The following PLCB4 variants were observed in gnomAD, a reference collection of about 807,000 sequenced individuals.
PLCB4 encodes 1-phosphatidylinositol 4,5-bisphosphate phosphodiesterase beta-4.
Under a neutral mutation model 178.8 loss-of-function variants are expected in PLCB4, and 77 were observed. The ratio of observed to expected loss-of-function variants is 0.43; its 90% CI spans 0.36 to 0.52. The LOEUF is 0.52. PLCB4 is among the 20% of genes least tolerant of loss of function. The pLI is 0.00. For missense variants in PLCB4, 1,024 were observed against 1,453.4 expected (o/e 0.70, Z 4.80); for synonymous variants, 496 against 490.8 (o/e 1.01, Z -0.14).
chr20:9,257,801 A>G (rs773786909), intron 3 of PLCB4, among the ~76,000 whole-genome samples: 1 of 152,184 alleles, frequency 6.6e-6, no homozygotes, highest in Non-Finnish European at 1.5e-5. Flanking sequence ...AAATTTACCA[A>G]CTGATTCAGA....
chr20:9,220,950 A>G (rs149398474), intron 3 of PLCB4, among the ~76,000 whole-genome samples: 1 of 152,356 alleles, frequency 6.6e-6, no homozygotes, highest in African/African-American at 2.4e-5. Flanking sequence ...TGGTACAACA[A>G]TAGCAAGCAC....
chr20:9,122,453 C>A (rs2091989419), intron 2 of PLCB4, among the ~76,000 whole-genome samples: 1 of 151,784 alleles, frequency 6.6e-6, no homozygotes, highest in African/African-American at 2.4e-5. Flanking sequence ...ATAAGTTATC[C>A]CAGGAATCTT....
intron 17 of PLCB4, among the ~76,000 whole-genome samples, chr20:9,391,951 C>T (rs2038183233): frequency 6.6e-6 from 1 of 152,220 alleles, no homozygotes; most frequent in Non-Finnish European, 1.5e-5. Flanking sequence ...CACTTTCCCA[C>T]ACCTCTGTTG....
chr20:9,401,030 T>C (rs947696797), intron 19 of PLCB4, among the ~76,000 whole-genome samples: 31 of 152,242 alleles, frequency 2.0e-4, no homozygotes, highest in African/African-American at 7.2e-4. Flanking sequence ...TAAGTCATTA[T>C]GCCCATAAAA....
At chr20:9,209,918 C>T (rs1483512430) in intron 2 of PLCB4, among the ~76,000 whole-genome samples, 9 of 135,610 alleles carry the variant, frequency 6.6e-5, no homozygotes, top group African/African-American at 2.0e-4. Context: ...GAGTCGAGAT[C>T]GAGCCACTGA....
chr20:9,413,435 A>G (rs1049978566), intron 25 of PLCB4, among the ~76,000 whole-genome samples: 8 of 152,072 alleles, frequency 5.3e-5, no homozygotes, highest in Admixed American at 3.3e-4. Context: ...CGAGGCGGGC[A>G]GATCACAAGG....
At chr20:9,087,939 A>G (rs917635130) in intron 1 of PLCB4, among the ~76,000 whole-genome samples, 2 of 152,044 alleles carry the variant, frequency 1.3e-5, no homozygotes, top group African/African-American at 4.8e-5. Context: ...AAACATGACA[A>G]CCTTCCATAG....
chr20:9,246,386 GTC>G (rs2094126418), intron 3 of PLCB4, among the ~76,000 whole-genome samples: 1 of 152,106 alleles, frequency 6.6e-6, no homozygotes, highest in Non-Finnish European at 1.5e-5. Flanking sequence ...CCTGTGAATG[GTC>G]TCACTCTCCC....
intron 36 of PLCB4, among the ~76,000 whole-genome samples, chr20:9,470,524 C>G (rs1156505348): frequency 6.6e-6 from 1 of 152,140 alleles, no homozygotes; most frequent in South Asian, 2.1e-4. Context: ...TTAACCATGA[C>G]AAATGTGCCA....
intron 3 of PLCB4, among the ~76,000 whole-genome samples, chr20:9,300,573 A>G (rs2094690785): frequency 6.6e-6 from 1 of 152,174 alleles, no homozygotes; most frequent in African/African-American, 2.4e-5. Context: ...AAATTGTTAC[A>G]AGACATTTGG....
At chr20:9,085,367 AATTC>A (rs1330220223) in intron 1 of PLCB4, among the ~76,000 whole-genome samples, 3 of 152,146 alleles carry the variant, frequency 2.0e-5, no homozygotes, top group Non-Finnish European at 4.4e-5. Context: ...AAGCAGTCAT[AATTC>A]ATTCTCAAAT....
chr20:9,306,127 A>G (rs1035755633), intron 3 of PLCB4, among the ~76,000 whole-genome samples: 3 of 151,864 alleles, frequency 2.0e-5, no homozygotes, highest in Non-Finnish European at 4.4e-5. Context: ...TCTATTTTCT[A>G]TATCTCTAAC....
chr20:9,368,299 T>G (rs73068417), intron 9 of PLCB4, among the ~76,000 whole-genome samples: 10,576 of 152,288 alleles, frequency 0.069, 409 homozygotes, highest in Middle Eastern at 0.096. Flanking sequence ...TCTTGCTGTT[T>G]ACATAACCCA....
At chr20:9,401,825 G>T (rs914134087) in intron 20 of PLCB4, among the ~76,000 whole-genome samples, 1 of 152,168 alleles carries the variant, frequency 6.6e-6, no homozygotes, top group Non-Finnish European at 1.5e-5. Flanking sequence ...CATTTGGCCA[G>T]TGTCCTCTAA....
At chr20:9,474,225 A>T (rs1161584298) in intron 38 of PLCB4, among the ~76,000 whole-genome samples, 2 of 152,152 alleles carry the variant, frequency 1.3e-5, no homozygotes, top group Admixed American at 1.3e-4. Flanking sequence ...AAAAAAAAAA[A>T]AAAAGGAGTT....
At chr20:9,141,713 G>A (rs769253523) in intron 2 of PLCB4, among the ~76,000 whole-genome samples, 3 of 152,162 alleles carry the variant, frequency 2.0e-5, no homozygotes, top group East Asian at 1.9e-4. Flanking sequence ...TATGGCATGC[G>A]TATATGACAT....
Position 9,095,442 on chromosome 20 carries a change from A to G in PLCB4, c.-134-845A>G, listed in dbSNP as rs141260346. Reference sequence around the variant, plus strand: ...CCAAACATATATCATGGTCAGAGACAGAATTACATTCTTGTGAACATTATC... The same window carrying G: ...CCAAACATATATCATGGTCAGAGACGGAATTACATTCTTGTGAACATTATC... On this transcript the variant is annotated intron_variant, in intron 1 of 39. Transcript: ENST00000378473. 1.5e-3 allele frequency among the ~76,000 whole-genome samples: 228 copies of G among 152,350 alleles called. 2 individuals are homozygous for G. The highest frequency in any genetic ancestry group is 5.0e-3 in the African/African-American group (206 of 41,600).
intron 2 of PLCB4, among the ~76,000 whole-genome samples, chr20:9,216,453 G>A (rs1022968789): frequency 6.6e-6 from 1 of 151,968 alleles, no homozygotes. Flanking sequence ...TCCTGACCTC[G>A]TGATCCGCCC....
At chr20:9,351,388 C>T (rs541654469) in intron 7 of PLCB4, among the ~76,000 whole-genome samples, 2 of 152,084 alleles carry the variant, frequency 1.3e-5, no homozygotes, top group African/African-American at 2.4e-5. Flanking sequence ...ACACCATTAA[C>T]ATCTTTCAGA....
Sources: gnomAD v4.1 joint callset for allele counts (sites outside exome capture counted in the v4.1 genomes callset) on GRCh38, gnomAD v4.1.1 for gene constraint, MANE v1.5 for transcripts, NCBI Gene and HGNC (gene_info 2026-07-23, HGNC 2026-07-21) for gene names.